RPN2: variants seen among roughly 807,000 people sequenced by gnomAD.
The protein encoded by RPN2 is ribophorin II, also known as dolichyl-diphosphooligosaccharide--protein glycosyltransferase subunit 2.
Under a neutral mutation model 71.4 loss-of-function variants are expected in RPN2, and 29 were observed. The observed-to-expected ratio is 0.41, with a 90% CI of 0.30 to 0.55. RPN2 has a LOEUF of 0.55. RPN2 is among the 20% of genes least tolerant of loss of function. The pLI is 0.35. For missense variants in RPN2, 726 were observed against 774.1 expected (o/e 0.94, Z 0.74); for synonymous variants, 308 against 305.0 (o/e 1.01, Z -0.10).
intron 2 of RPN2, among the ~76,000 whole-genome samples, chr20:37,197,061 C>G (rs1217146886): frequency 6.6e-6 from 1 of 152,040 alleles, no homozygotes; most frequent in African/African-American, 2.4e-5. Context: ...AAAAGGTGCT[C>G]CCGGCAGGGT....
chr20:37,224,779 C>T (rs1287294671), intron 10 of RPN2, among the ~76,000 whole-genome samples: 1 of 152,158 alleles, frequency 6.6e-6, no homozygotes, highest in African/African-American at 2.4e-5. Context: ...GTAGGGTGAA[C>T]CATCAAGGCT....
Position 37,236,667 on chromosome 20 carries a change from T to C in RPN2, c.1841T>C (p.Phe614Ser), listed in dbSNP as rs1415485310. 1 of 1,614,206 alleles carries C rather than the reference T, an allele frequency of 6.2e-7. No individual in the cohort carries two copies. Among genetic ancestry groups the C allele is most frequent in the South Asian group, 1.1e-5 (1 of 91,090 alleles). The change falls in exon 16 of 17, where the codon TTT becomes TCT. Residue 614 changes from phenylalanine (F) to serine (S), a missense_variant. Phe to Ser is a radical substitution (Grantham distance 155, BLOSUM62 -2). Transcript: ENST00000237530. ...KYLAILGSVT[F>S]LAGNRMLAQQ... ...CTGGCCATCCTGGGCAGTGTGACGTTTCTGGCTGGCAATCGGATGCTGGCC... is the reference window on the plus strand; with the variant it reads ...CTGGCCATCCTGGGCAGTGTGACGTCTCTGGCTGGCAATCGGATGCTGGCC...
In RPN2 at chr20:37,225,780, G is replaced by A. The variant is rs756735290; in HGVS notation, c.1277G>A (p.Gly426Asp). Residue 426 changes from glycine to aspartate, a missense_variant, in exon 11 of 17, where the codon GGT (glycine) becomes GAT (aspartate). Coordinates refer to ENST00000237530, the MANE Select transcript of RPN2 (RefSeq NM_002951.5). ...TTCCAGCTGGTAGATGTGAACACTG[G>A]TGCTGAACTCACTCCTCACCAGGTC... The part of the protein sequence containing the change: ...LFFQLVDVNT[G>D]AELTPHQTFV... 15 of 1,613,422 alleles carry A rather than the reference G, an allele frequency of 9.3e-6. No individual in the cohort carries two copies. The highest frequency in any genetic ancestry group is 8.3e-5 in the Admixed American group (5 of 59,986).
intron 9 of RPN2, among the ~76,000 whole-genome samples, chr20:37,215,008 A>G (rs1235146712): frequency 1.3e-5 from 2 of 152,190 alleles, no homozygotes; most frequent in Non-Finnish European, 2.9e-5. Context: ...ACTGTGTTTT[A>G]TACCATTTTA....
Position 37,203,895 on chromosome 20 carries a change from G to A in RPN2, c.490G>A (p.Ala164Thr), listed in dbSNP as rs543816888. 78 of 1,613,468 alleles carry A rather than the reference G, an allele frequency of 4.8e-5. No homozygotes were observed. The South Asian group carries it at 8.2e-4, about 17-fold the overall frequency. The change falls in exon 5 of 17, where the codon GCT becomes ACT. Residue 164 changes from alanine to threonine, a missense_variant. Coordinates refer to ENST00000237530, the MANE Select transcript of RPN2 (RefSeq NM_002951.5). ...KEETVLATVQ[A>T]LQTASHLSQQ... Reference sequence around the variant, plus strand: ...CTCTTTACCTTCCAGAACAGTCCAGGCTCTGCAGACAGCATCCCACCTGTC... The same window carrying A: ...CTCTTTACCTTCCAGAACAGTCCAGACTCTGCAGACAGCATCCCACCTGTC...
intron 8 of RPN2, among the ~76,000 whole-genome samples, chr20:37,210,615 C>G (rs139453475): frequency 2.7e-5 from 4 of 150,236 alleles, no homozygotes; most frequent in African/African-American, 9.8e-5. Context: ...ACCGCAACGT[C>G]TGCCTCCTGG....
At chr20:37,234,210 A>G in intron 15 of RPN2, 115 bp downstream of exon 15, 2 of 1,013,438 alleles carry the variant, frequency 2.0e-6, no homozygotes, top group East Asian at 2.6e-5. Flanking sequence ...TAATAGCATT[A>G]CATTTCCCTC....
intron 2 of RPN2, among the ~76,000 whole-genome samples, chr20:37,188,643 G>A (rs921670730): frequency 1.4e-5 from 2 of 145,152 alleles, no homozygotes; most frequent in African/African-American, 5.1e-5. Flanking sequence ...TCTGAGACAA[G>A]GCCTCGCTCT....
intron 2 of RPN2, among the ~76,000 whole-genome samples, chr20:37,192,245 G>A (rs951568342): frequency 1.3e-5 from 2 of 152,186 alleles, no homozygotes; most frequent in African/African-American, 4.8e-5. Context: ...TGTGGGTCAG[G>A]CACTAGTTCA....
intron 8 of RPN2, among the ~76,000 whole-genome samples, chr20:37,212,376 G>A (rs1277111768): frequency 1.3e-5 from 2 of 152,082 alleles, no homozygotes; most frequent in African/African-American, 2.4e-5. Context: ...CATTTGAACC[G>A]AGGAGCTTAA....
At chr20:37,217,169 C>T (rs1047787377) in intron 9 of RPN2, among the ~76,000 whole-genome samples, 3 of 151,496 alleles carry the variant, frequency 2.0e-5, no homozygotes, top group Non-Finnish European at 2.9e-5. Context: ...TGGGCTCAAG[C>T]GATCTGCCCA....
rs750275652 is a variant in RPN2, at chr20:37,210,178, CA to C, written c.986+14del. On this transcript the variant is annotated intron_variant, in intron 8 of 16. Coordinates refer to ENST00000237530, the MANE Select transcript of RPN2 (RefSeq NM_002951.5). Reference sequence around the variant, plus strand: ...TCACCCCTGTAGGGTAAGTCCTGATCATATTTTGGTGGGGCGCTGACCTCTT... The same window carrying C: ...TCACCCCTGTAGGGTAAGTCCTGATCTATTTTGGTGGGGCGCTGACCTCTT... 1.2e-6 allele frequency: 2 copies of C among 1,613,520 alleles called. No individual in the cohort carries two copies. Among genetic ancestry groups the C allele is most frequent in the Non-Finnish European group, 1.7e-6 (2 of 1,179,944 alleles).
intron 2 of RPN2, among the ~76,000 whole-genome samples, chr20:37,191,402 G>A (rs1441839911): frequency 2.0e-5 from 3 of 152,012 alleles, no homozygotes; most frequent in Non-Finnish European, 4.4e-5. Flanking sequence ...CTTGAACCCA[G>A]AGGCAGAGGT....
At chr20:37,223,822 G>C in intron 9 of RPN2, 56 bp from the exon 10 acceptor site, 1 of 1,425,414 alleles carries the variant, frequency 7.0e-7, no homozygotes, top group Non-Finnish European at 9.9e-7. Flanking sequence ...ATCTGCATGT[G>C]AATTCCTGAA....
intron 7 of RPN2, 152 bp downstream of exon 7, chr20:37,207,601 T>C: frequency 1.3e-6 from 1 of 784,732 alleles, no homozygotes; most frequent in Non-Finnish European, 2.2e-6. Context: ...AGCCTTGAAA[T>C]GGAGACATGA....
chr20:37,213,860 G>A lies in RPN2; in HGVS notation c.1087G>A (p.Val363Ile), dbSNP rs772753358. ...EGDNRYIANT[V>I]ELRVKISTEV... Reference sequence around the variant, plus strand: ...TGACAACCGGTATATTGCAAATACCGTAGAGGTAGGTGTTTTTCTTTCCTT... The same window carrying A: ...TGACAACCGGTATATTGCAAATACCATAGAGGTAGGTGTTTTTCTTTCCTT... Residue 363 changes from valine to isoleucine, a missense_variant, in exon 9 of 17, where the codon GTA (valine) becomes ATA (isoleucine). Transcript: ENST00000237530. 8.7e-6 allele frequency: 14 copies of A among 1,609,444 alleles called. No individual in the cohort carries two copies. The highest frequency in any genetic ancestry group is 2.7e-5 in the African/African-American group (2 of 74,944).
chr20:37,208,445 T>C (rs962279206), intron 7 of RPN2, among the ~76,000 whole-genome samples: 2 of 152,200 alleles, frequency 1.3e-5, no homozygotes, highest in African/African-American at 4.8e-5. Flanking sequence ...GGTCTCGCTA[T>C]GTCGCGCAGG....
At chr20:37,196,913 A>G (rs1240962254) in intron 2 of RPN2, among the ~76,000 whole-genome samples, 1 of 152,120 alleles carries the variant, frequency 6.6e-6, no homozygotes, top group Non-Finnish European at 1.5e-5. Flanking sequence ...GGAACTAGTA[A>G]GTGCAGTGTG....
At chr20:37,213,035 C>T (rs974123947) in intron 8 of RPN2, among the ~76,000 whole-genome samples, 3 of 151,836 alleles carry the variant, frequency 2.0e-5, no homozygotes, top group African/African-American at 7.3e-5. Flanking sequence ...AAGATATGTC[C>T]TTTTTGAGAA....
Sources: allele counts gnomAD v4.1 joint callset (sites outside exome capture counted in the v4.1 genomes callset), GRCh38; gene constraint gnomAD v4.1.1; transcripts MANE v1.5; gene names NCBI Gene and HGNC (gene_info 2026-07-23, HGNC 2026-07-21).